The following SCHIP1 variants were observed in gnomAD, a reference collection of about 807,000 sequenced individuals.
The protein encoded by SCHIP1 is schwannomin interacting protein 1, also known as schwannomin-interacting protein 1.
SCHIP1 carries 8 observed loss-of-function variants against 29.7 expected under a neutral mutation model. That is an observed-to-expected ratio of 0.27 (90% CI 0.16 to 0.49). The LOEUF (loss-of-function observed/expected upper bound fraction) is 0.49. SCHIP1 is among the 20% of genes least tolerant of loss of function. The probability of loss-of-function intolerance (pLI) is 0.99; values close to 1 mark genes in which losing one functional copy is unlikely to be tolerated. For missense variants in SCHIP1, 193 were observed against 294.6 expected (o/e 0.66, Z 2.52); for synonymous variants, 76 against 94.9 (o/e 0.80, Z 1.16).
the SCHIP1 span, among the ~76,000 whole-genome samples, chr3:159,397,614 C>A: frequency 6.6e-6 from 1 of 152,172 alleles, no homozygotes; most frequent in Non-Finnish European, 1.5e-5. Flanking sequence ...CTGGGGGGTG[C>A]CTCCCAGTTA....
chr3:159,726,102 T>C, the SCHIP1 span, among the ~76,000 whole-genome samples: 2 of 152,238 alleles, frequency 1.3e-5, no homozygotes, highest in African/African-American at 4.8e-5. Flanking sequence ...TGAAAACTTT[T>C]AGATTATAAC....
chr3:159,730,695 T>C, the SCHIP1 span, among the ~76,000 whole-genome samples: 1 of 152,284 alleles, frequency 6.6e-6, no homozygotes, highest in African/African-American at 2.4e-5. Flanking sequence ...ATATGAAAAT[T>C]ACTAGTTGAT....
chr3:159,418,854 TC>T, the SCHIP1 span, among the ~76,000 whole-genome samples: 12 of 152,196 alleles, frequency 7.9e-5, no homozygotes, highest in Middle Eastern at 3.2e-3. Context: ...TAAAATTCTC[TC>T]CTCTTTGATG....
the SCHIP1 span, among the ~76,000 whole-genome samples, chr3:159,626,165 GAT>G: frequency 5.5e-4 from 53 of 97,180 alleles, no homozygotes; most frequent in African/African-American, 4.7e-3. Context: ...TATATATCTA[GAT>G]ATATCTATCT....
the SCHIP1 span, among the ~76,000 whole-genome samples, chr3:159,423,744 C>T: frequency 2.0e-5 from 3 of 152,138 alleles, no homozygotes; most frequent in South Asian, 4.1e-4. Context: ...TGAGAACGGG[C>T]AGACTGCCTC....
At chr3:159,642,107 T>C in the SCHIP1 span, among the ~76,000 whole-genome samples, 3 of 152,130 alleles carry the variant, frequency 2.0e-5, no homozygotes, top group Non-Finnish European at 4.4e-5. Context: ...TGTTTCCCCA[T>C]ATGTAAAACG....
chr3:159,822,252 A>T, the SCHIP1 span, among the ~76,000 whole-genome samples: 1 of 152,144 alleles, frequency 6.6e-6, no homozygotes, highest in Non-Finnish European at 1.5e-5. Context: ...AAGTGAGAAT[A>T]ATTGATTGAG....
At chr3:159,401,453 A>G in the SCHIP1 span, 1 of 687,886 alleles carries the variant, frequency 1.5e-6, no homozygotes, top group Non-Finnish European at 1.8e-6. Context: ...CTCTCGTTAT[A>G]TGCCTGGCAC....
chr3:159,426,815 A>C, the SCHIP1 span, among the ~76,000 whole-genome samples: 1 of 152,232 alleles, frequency 6.6e-6, no homozygotes, highest in Non-Finnish European at 1.5e-5. Flanking sequence ...ATCCAGCAGC[A>C]CATCAAAAAG....
At chr3:159,615,908 C>T in the SCHIP1 span, among the ~76,000 whole-genome samples, 3 of 152,290 alleles carry the variant, frequency 2.0e-5, no homozygotes, top group Admixed American at 6.5e-5. Context: ...CCAGAGAGGT[C>T]GCTTGATGAT....
the SCHIP1 span, among the ~76,000 whole-genome samples, chr3:159,307,403 G>A: frequency 1.3e-5 from 2 of 152,210 alleles, no homozygotes; most frequent in Admixed American, 6.5e-5. Flanking sequence ...TATGGACAGT[G>A]CCTGGGACAG....
the SCHIP1 span, among the ~76,000 whole-genome samples, chr3:159,427,715 A>C: frequency 2.1e-4 from 31 of 151,146 alleles, no homozygotes; most frequent in Non-Finnish European, 3.0e-4. Flanking sequence ...ATATGGAACC[A>C]AAAAAGAGCC....
chr3:159,674,598 TAA>T, the SCHIP1 span, among the ~76,000 whole-genome samples: 265 of 53,942 alleles, frequency 4.9e-3, 1 homozygote, highest in Middle Eastern at 0.014. Flanking sequence ...GGGTCAGGAT[TAA>T]AAAAAAAAAA....
the SCHIP1 span, among the ~76,000 whole-genome samples, chr3:159,476,089 A>G: frequency 6.6e-6 from 1 of 151,296 alleles, no homozygotes; most frequent in African/African-American, 2.4e-5. Context: ...GAAAAACTGA[A>G]AAGAATCTTT....
chr3:159,473,095 C>G, the SCHIP1 span, among the ~76,000 whole-genome samples: 8 of 152,072 alleles, frequency 5.3e-5, no homozygotes, highest in African/African-American at 1.9e-4. Context: ...ACAGACTGCC[C>G]AGATCCATAT....
At chr3:159,658,221 ATATCTGGCTTT>A in the SCHIP1 span, among the ~76,000 whole-genome samples, 1 of 152,126 alleles carries the variant, frequency 6.6e-6, no homozygotes, top group Admixed American at 6.5e-5. Context: ...ACAAAACATG[ATATCTGGCTTT>A]TTCACCAGTC....
the SCHIP1 span, among the ~76,000 whole-genome samples, chr3:159,364,150 G>A: frequency 6.6e-6 from 1 of 152,158 alleles, no homozygotes; most frequent in East Asian, 1.9e-4. Flanking sequence ...ATCTTATCAT[G>A]ACTTTGACTA....
At chr3:159,462,248 C>G in the SCHIP1 span, among the ~76,000 whole-genome samples, 2 of 151,922 alleles carry the variant, frequency 1.3e-5, no homozygotes, top group African/African-American at 4.8e-5. Context: ...ATAAAACCAT[C>G]TGAAATGTCA....
chr3:159,630,062 T>C, the SCHIP1 span, among the ~76,000 whole-genome samples: 5 of 152,082 alleles, frequency 3.3e-5, no homozygotes, highest in Non-Finnish European at 5.9e-5. Flanking sequence ...CCAAAGAGAA[T>C]GTACAAAGCC....
Sources: allele counts gnomAD v4.1 joint callset (sites outside exome capture counted in the v4.1 genomes callset), GRCh38; gene constraint gnomAD v4.1.1; transcripts MANE v1.5; gene names NCBI Gene and HGNC (gene_info 2026-07-23, HGNC 2026-07-21).